The following PRKG1 variants were observed in gnomAD, a reference collection of about 807,000 sequenced individuals.
PRKG1 encodes cGMP-dependent protein kinase 1.
A neutral mutation model predicts 88.1 loss-of-function variants in PRKG1; 35 were observed. That is an observed-to-expected ratio of 0.40 (90% CI 0.30 to 0.53). PRKG1 has a LOEUF of 0.53. PRKG1 is among the 20% of genes least tolerant of loss of function. The pLI is 0.59. For synonymous variants in PRKG1, 303 were observed against 292.5 expected, an observed-to-expected ratio of 1.04 and a Z score of -0.37; for missense variants, 540 against 839.8, an observed-to-expected ratio of 0.64 and a Z score of 4.41.
chr10:51,953,286 C>T (rs190465474), intron 5 of PRKG1, among the ~76,000 whole-genome samples: 558 of 152,280 alleles, frequency 3.7e-3, no homozygotes, highest in Non-Finnish European at 5.8e-3. Flanking sequence ...ATCTCACACA[C>T]ATTCAAACTG....
At chr10:51,211,195 A>G (rs546222404) in intron 2 of PRKG1, among the ~76,000 whole-genome samples, 3 of 152,280 alleles carry the variant, frequency 2.0e-5, no homozygotes, top group Admixed American at 2.0e-4. Context: ...CAGCATATAA[A>G]CAGAACCAAC....
intron 3 of PRKG1, among the ~76,000 whole-genome samples, chr10:51,735,923 AAGTTGTCTTT>A (rs1476091494): frequency 4.9e-5 from 6 of 123,146 alleles, no homozygotes; most frequent in South Asian, 2.6e-4. Flanking sequence ...CTCCAACTTT[AAGTTGTCTTT>A]TTTTTTTTTT....
chr10:51,504,954 A>G (rs1460682585), intron 3 of PRKG1, among the ~76,000 whole-genome samples: 1 of 152,060 alleles, frequency 6.6e-6, no homozygotes, highest in Non-Finnish European at 1.5e-5. Flanking sequence ...CTAATTGAAT[A>G]CCCTTTATTT....
At chr10:51,456,943 T>A (rs1004123741) in intron 2 of PRKG1, among the ~76,000 whole-genome samples, 2 of 152,138 alleles carry the variant, frequency 1.3e-5, no homozygotes, top group Admixed American at 1.3e-4. Flanking sequence ...ACATTAAACG[T>A]TGGCATGGAT....
chr10:51,142,951 G>A (rs1845856343), intron 1 of PRKG1, among the ~76,000 whole-genome samples: 2 of 152,028 alleles, frequency 1.3e-5, no homozygotes. Context: ...ATTAACAAGT[G>A]CATTACTTTA....
chr10:51,814,777 A>T (rs897423612), intron 4 of PRKG1, among the ~76,000 whole-genome samples: 12 of 152,102 alleles, frequency 7.9e-5, no homozygotes, highest in Admixed American at 7.9e-4. Context: ...ATTTTTTATT[A>T]AAAAAAGAAA....
chr10:51,095,039 G>A (rs1461670692), intron 1 of PRKG1, among the ~76,000 whole-genome samples: 1 of 152,080 alleles, frequency 6.6e-6, no homozygotes, highest in Non-Finnish European at 1.5e-5. Flanking sequence ...GCAGAGCACT[G>A]ATCCTTAAAA....
chr10:51,658,210 C>G (rs1488867045), intron 3 of PRKG1, among the ~76,000 whole-genome samples: 1 of 152,098 alleles, frequency 6.6e-6, no homozygotes, highest in Non-Finnish European at 1.5e-5. Context: ...AAGATTTTAT[C>G]TCCTGCAAGT....
At chr10:51,326,859 A>G (rs1357437225) in intron 2 of PRKG1, among the ~76,000 whole-genome samples, 1 of 152,240 alleles carries the variant, frequency 6.6e-6, no homozygotes, top group East Asian at 1.9e-4. Context: ...ATTAGTGCAT[A>G]GAAGCTAAGA....
chr10:51,970,669 T>C (rs1157539177), intron 5 of PRKG1, among the ~76,000 whole-genome samples: 5 of 147,700 alleles, frequency 3.4e-5, no homozygotes, highest in Non-Finnish European at 7.5e-5. Context: ...CCATATTGTA[T>C]ACATGATTAA....
At chr10:52,215,724 T>G (rs1347077099) in intron 9 of PRKG1, among the ~76,000 whole-genome samples, 2 of 152,148 alleles carry the variant, frequency 1.3e-5, no homozygotes, top group Non-Finnish European at 2.9e-5. Context: ...TTAATATACA[T>G]TTTTATAATA....
intron 7 of PRKG1, among the ~76,000 whole-genome samples, chr10:52,079,842 G>C (rs1320514198): frequency 6.6e-6 from 1 of 152,154 alleles, no homozygotes; most frequent in Admixed American, 6.5e-5. Context: ...AAGGTAGGAG[G>C]ATACTTTTAC....
chr10:52,066,914 C>T (rs2133277762), intron 7 of PRKG1, among the ~76,000 whole-genome samples: 1 of 152,260 alleles, frequency 6.6e-6, no homozygotes, highest in South Asian at 2.1e-4. Context: ...TGAAGGAAGC[C>T]TATTAACTCA....
At chr10:51,703,492 T>G (rs1233309459) in intron 3 of PRKG1, among the ~76,000 whole-genome samples, 1 of 152,208 alleles carries the variant, frequency 6.6e-6, no homozygotes, top group Admixed American at 6.5e-5. Flanking sequence ...CCTTTCTGAT[T>G]ATAGTAACTC....
chr10:51,014,607 C>G (rs564837999), intron 1 of PRKG1, among the ~76,000 whole-genome samples: 13 of 152,118 alleles, frequency 8.5e-5, no homozygotes, highest in Non-Finnish European at 1.6e-4. Context: ...TCACAGGTCA[C>G]TTTGGTCTTA....
chr10:52,000,025 A>T (rs1405183330), intron 5 of PRKG1, among the ~76,000 whole-genome samples: 1 of 151,940 alleles, frequency 6.6e-6, no homozygotes, highest in Non-Finnish European at 1.5e-5. Flanking sequence ...ACCCTTTCTG[A>T]TTTTTTAATG....
intron 2 of PRKG1, chr10:51,319,936 A>G (rs763810790): frequency 4.1e-4 from 86 of 207,754 alleles, no homozygotes; most frequent in Non-Finnish European, 8.1e-4. Context: ...TCAATGGCAC[A>G]TTTTCCTTAT....
intron 2 of PRKG1, among the ~76,000 whole-genome samples, chr10:51,270,351 C>T (rs867415113): frequency 1.3e-4 from 20 of 152,202 alleles, no homozygotes; most frequent in South Asian, 4.1e-4. Context: ...TCTGATCATT[C>T]ATTTTGGATT....
intron 2 of PRKG1, among the ~76,000 whole-genome samples, chr10:51,372,539 G>C (rs2684732): frequency 0.12 from 17,919 of 152,094 alleles, 1,328 homozygotes; most frequent in African/African-American, 0.2. Context: ...CTGCTACTAT[G>C]ATGAGTAAAG....
Sources: gnomAD v4.1 joint callset for allele counts (sites outside exome capture counted in the v4.1 genomes callset) on GRCh38, gnomAD v4.1.1 for gene constraint, MANE v1.5 for transcripts, NCBI Gene and HGNC (gene_info 2026-07-23, HGNC 2026-07-21) for gene names.